MED12L: variants seen among roughly 807,000 people sequenced by gnomAD.
MED12L encodes mediator of RNA polymerase II transcription subunit 12-like protein.
MED12L carries 60 observed loss-of-function variants against 281.3 expected under a neutral mutation model. The observed-to-expected ratio is 0.21, with a 90% CI of 0.17 to 0.26. The LOEUF is 0.26. MED12L is among the 10% of genes least tolerant of loss of function. The pLI is 1.00. For missense variants in MED12L, 2,146 were observed against 2,680.9 expected, an observed-to-expected ratio of 0.80 and a Z score of 4.41; for synonymous variants, 974 against 987.2, an observed-to-expected ratio of 0.99 and a Z score of 0.25.
At chr3:151,101,889 G>T (rs1721438850) in intron 2 of MED12L, among the ~76,000 whole-genome samples, 1 of 152,174 alleles carries the variant, frequency 6.6e-6, no homozygotes, top group Non-Finnish European at 1.5e-5. Context: ...GACTGGAGAA[G>T]AATTGGCAGT....
chr3:151,236,429 A>G (rs925380570), intron 16 of MED12L, among the ~76,000 whole-genome samples: 1 of 152,212 alleles, frequency 6.6e-6, no homozygotes, highest in Non-Finnish European at 1.5e-5. Flanking sequence ...CATTCAAGCA[A>G]GGATGACTTT....
chr3:151,418,863 T>G (rs2108407458), intron 43 of MED12L, among the ~76,000 whole-genome samples: 1 of 152,360 alleles, frequency 6.6e-6, no homozygotes, highest in South Asian at 2.1e-4. Context: ...AATTTTTAAT[T>G]CTTTTAATTA....
intron 16 of MED12L, among the ~76,000 whole-genome samples, chr3:151,221,302 A>G (rs970947182): frequency 3.3e-5 from 5 of 152,242 alleles, no homozygotes; most frequent in African/African-American, 1.2e-4. Flanking sequence ...AATGCAATAG[A>G]AAAGAAAATC....
chr3:151,234,407 A>G (rs1043490966), intron 16 of MED12L, among the ~76,000 whole-genome samples: 4 of 152,230 alleles, frequency 2.6e-5, no homozygotes, highest in Non-Finnish European at 5.9e-5. Flanking sequence ...CTGAGATTTG[A>G]ATCGAGGTCA....
intron 16 of MED12L, among the ~76,000 whole-genome samples, chr3:151,310,206 GAC>G (rs1747314625): frequency 6.6e-6 from 1 of 152,188 alleles, no homozygotes; most frequent in Admixed American, 6.5e-5. Context: ...GCTAATAAAA[GAC>G]AGCTAGTATG....
At chr3:151,167,753 G>A (rs562641281) in intron 11 of MED12L, among the ~76,000 whole-genome samples, 2 of 152,286 alleles carry the variant, frequency 1.3e-5, no homozygotes, top group South Asian at 2.1e-4. Flanking sequence ...AGAGTGCTAC[G>A]TGCTCTTTTT....
At chr3:151,399,728 T>C (rs1392816827) in intron 39 of MED12L, among the ~76,000 whole-genome samples, 2 of 152,264 alleles carry the variant, frequency 1.3e-5, no homozygotes, top group East Asian at 3.8e-4. Flanking sequence ...ATTTTTCTTT[T>C]GACAACAGGA....
rs758843606 is a variant in MED12L at position 151,350,103 on chromosome 3, C to G, written c.2295C>G (p.Leu765=). ...SHECNQRTIL[L]YGVGKERDEA... ...AATGTAACCAGCGCACAATCCTTCT[C>G]TATGGAGTCGGCAAAGAGCGTGATG... is the stretch of plus-strand genomic sequence containing the variant. Residue 765 remains leucine (L), a synonymous_variant, in exon 17 of 45, where the codon CTC becomes CTG. Transcript: ENST00000687756. 1.9e-6 allele frequency: 3 copies of G among 1,613,456 alleles called. No individual in the cohort carries two copies. The highest frequency in any genetic ancestry group is 3.3e-5 in the Admixed American group (2 of 59,972).
At chr3:151,186,658 A>C (rs1723325305) in intron 12 of MED12L, among the ~76,000 whole-genome samples, 1 of 152,110 alleles carries the variant, frequency 6.6e-6, no homozygotes, top group South Asian at 2.1e-4. Context: ...CCTTTCCAGC[A>C]TTCCTAGCTC....
chr3:151,148,144 A>G (rs1266340864), intron 5 of MED12L, among the ~76,000 whole-genome samples: 4 of 152,090 alleles, frequency 2.6e-5, no homozygotes, highest in Non-Finnish European at 4.4e-5. Context: ...CTTATTGGCC[A>G]TTTGTTTATT....
At chr3:151,251,558 C>T (rs767826333) in intron 16 of MED12L, among the ~76,000 whole-genome samples, 1 of 152,136 alleles carries the variant, frequency 6.6e-6, no homozygotes, top group Non-Finnish European at 1.5e-5. Context: ...TTGTGGGTCT[C>T]TAATACTTAA....
At chr3:151,162,456 C>T (rs1040655325) in intron 8 of MED12L, among the ~76,000 whole-genome samples, 9 of 151,746 alleles carry the variant, frequency 5.9e-5, no homozygotes, top group Middle Eastern at 3.4e-3. Flanking sequence ...GCTCTGTTGC[C>T]CATGCTGGAG....
At position 151,328,534 on chromosome 3, in the gene MED12L, G is replaced by C. The variant is rs751271920; in HGVS notation, c.2251-21525G>C. 20 of 1,613,866 alleles carry C rather than the reference G, an allele frequency of 1.2e-5. 2 individuals carry two copies. The South Asian group carries it at 2.2e-4, about 18-fold the overall frequency. On this transcript the variant is annotated intron_variant, in intron 16 of 44. Transcript: ENST00000687756. ...TGCTCAAGATCGTATTTGGCAGGGA[G>C]ATGAAGAACAAAAAGAACCAGATGA...
In MED12L at chr3:151,218,866, C is replaced by CAAAAA. The variant is rs397686351; in HGVS notation, c.2250+25227_2250+25231dup. Among the ~76,000 whole-genome samples, 29 of 71,356 alleles carry CAAAAA rather than the reference C, an allele frequency of 4.1e-4. 1 individual carries two copies. The highest frequency in any genetic ancestry group is 1.7e-3 in the East Asian group (4 of 2,378). 46.8% of individuals were successfully genotyped at this position (71,356 alleles called of 152,430 possible). ...TGGGTGACAGAGCAAGACTCAGTCTCAAAAAAAAAAAAAAAAAAAAAAAAA... is the reference window on the plus strand; with the variant it reads ...TGGGTGACAGAGCAAGACTCAGTCTCAAAAAAAAAAAAAAAAAAAAAAAAAAAAAA... On this transcript the variant is annotated intron_variant, in intron 16 of 44. Coordinates refer to ENST00000687756, the MANE Select transcript of MED12L (RefSeq NM_001393769.1).
chr3:151,104,263 C>T (rs1041864155), intron 2 of MED12L, among the ~76,000 whole-genome samples: 18 of 152,146 alleles, frequency 1.2e-4, no homozygotes, highest in Non-Finnish European at 1.5e-5. Context: ...ACAAGGTGAC[C>T]TTTTAGGGAA....
chr3:151,364,909 T>G (rs1001395354), intron 21 of MED12L, 70 bp from the exon 22 acceptor site: 1 of 1,107,774 alleles, frequency 9.0e-7, no homozygotes, highest in African/African-American at 1.5e-5. Flanking sequence ...TAATATGTCC[T>G]TAAGTGAAAT....
At chr3:151,429,245 A>G (rs1212703446) in intron 43 of MED12L, among the ~76,000 whole-genome samples, 1 of 152,146 alleles carries the variant, frequency 6.6e-6, no homozygotes, top group African/African-American at 2.4e-5. Flanking sequence ...TCCCAGCCTC[A>G]CTGTGCTCCT....
At chr3:151,419,520 C>T (rs980041220) in intron 43 of MED12L, among the ~76,000 whole-genome samples, 81 of 152,138 alleles carry the variant, frequency 5.3e-4, no homozygotes, top group African/African-American at 1.7e-3. Context: ...CCTTCCCCAT[C>T]GCACTGACTC....
At position 151,144,845 on chromosome 3, in the gene MED12L, C is replaced by T. The variant is rs565512256; in HGVS notation, c.557-11316C>T. The stretch of plus-strand genomic sequence containing the variant: ...TCCCTCAGTGACCTATTCACTGCCG[C>T]CCCCGACATACCTGCATCATGTAAA... On this transcript the variant is annotated intron_variant, in intron 5 of 44. Transcript: ENST00000687756. Among the ~76,000 whole-genome samples, 102 of 152,296 alleles carry T rather than the reference C, an allele frequency of 6.7e-4. 1 individual carries two copies. In the South Asian group the frequency reaches 0.014, roughly 21 times the overall value.
Sources: allele counts gnomAD v4.1 joint callset (sites outside exome capture counted in the v4.1 genomes callset), GRCh38; gene constraint gnomAD v4.1.1; transcripts MANE v1.5; gene names NCBI Gene and HGNC (gene_info 2026-07-23, HGNC 2026-07-21).